GLIPR1L1: variants seen among roughly 807,000 people sequenced by gnomAD.
The protein encoded by GLIPR1L1 is GLIPR1 like 1.
A neutral mutation model predicts 29.9 loss-of-function variants in GLIPR1L1; 26 were observed. That is an observed-to-expected ratio of 0.87 (90% CI 0.64 to 1.21). The LOEUF is 1.21. Ranked by LOEUF, GLIPR1L1 falls within the 50% of genes most tolerant of loss-of-function variation. The pLI, the probability that GLIPR1L1 is intolerant of heterozygous loss-of-function variation, is 0.00. For synonymous variants in GLIPR1L1, 77 were observed against 97.5 expected, an observed-to-expected ratio of 0.79 and a Z score of 1.24; for missense variants, 305 against 290.3, an observed-to-expected ratio of 1.05 and a Z score of -0.37.
rs568805787 is a variant in GLIPR1L1, at chr12:75,347,986, AAT to A, written c.521+267_521+268del. Among the ~76,000 whole-genome samples the A allele has an allele frequency of 2.6e-4, 40 of 152,250 alleles. No individual in the cohort carries two copies. In the East Asian group the frequency reaches 6.2e-3, roughly 23 times the overall value. ...AGGTTTAAAAAAAGAGATAATATAAAATATGTTGCCACAGTAATATATAAATA... is the reference window on the plus strand; with the variant it reads ...AGGTTTAAAAAAAGAGATAATATAAAATGTTGCCACAGTAATATATAAATA... On this transcript the variant is annotated intron_variant, in intron 3 of 5. Coordinates refer to ENST00000378695, the MANE Select transcript of GLIPR1L1 (RefSeq NM_001304964.2).
intron 4 of GLIPR1L1, among the ~76,000 whole-genome samples, chr12:75,366,595 C>A (rs1301885839): frequency 6.6e-6 from 1 of 152,000 alleles, no homozygotes; most frequent in Non-Finnish European, 1.5e-5. Flanking sequence ...TAACACGGCA[C>A]CTCAAAGTGG....
intron 1 of GLIPR1L1, among the ~76,000 whole-genome samples, chr12:75,337,829 C>T (rs1023628438): frequency 2.6e-5 from 4 of 151,712 alleles, no homozygotes; most frequent in African/African-American, 9.7e-5. Flanking sequence ...TATTATTTTT[C>T]GACTATTGTC....
intron 1 of GLIPR1L1, among the ~76,000 whole-genome samples, chr12:75,337,180 C>A (rs2041793463): frequency 6.6e-6 from 1 of 151,658 alleles, no homozygotes. Context: ...AAGACCTATT[C>A]TTTCAACTCA....
At chr12:75,335,124 T>C (rs919647073) in intron 1 of GLIPR1L1, among the ~76,000 whole-genome samples, 1 of 152,214 alleles carries the variant, frequency 6.6e-6, no homozygotes, top group Admixed American at 6.5e-5. Context: ...GCGGGGAAGG[T>C]GGGGATGCTG....
At chr12:75,341,747 C>CTTTTTTTT (rs1185408752) in intron 1 of GLIPR1L1, among the ~76,000 whole-genome samples, 9 of 83,404 alleles carry the variant, frequency 1.1e-4, no homozygotes, top group African/African-American at 4.2e-4. Flanking sequence ...CGCCCGGCCT[C>CTTTTTTTT]TTTTTTTTTT....
chr12:75,340,858 C>T (rs1405301014), intron 1 of GLIPR1L1, among the ~76,000 whole-genome samples: 1 of 151,266 alleles, frequency 6.6e-6, no homozygotes, highest in Non-Finnish European at 1.5e-5. Context: ...TAGTGAAATG[C>T]AAATTAAAAC....
intron 4 of GLIPR1L1, among the ~76,000 whole-genome samples, chr12:75,366,590 C>T (rs982538736): frequency 2.6e-5 from 4 of 152,048 alleles, no homozygotes; most frequent in East Asian, 1.9e-4. Flanking sequence ...AAAACTAACA[C>T]GGCACCTCAA....
At chr12:75,368,596 T>C (rs1325963034) in intron 4 of GLIPR1L1, among the ~76,000 whole-genome samples, 1 of 151,190 alleles carries the variant, frequency 6.6e-6, no homozygotes, top group Non-Finnish European at 1.5e-5. Context: ...TTGTTAACTT[T>C]TTTTATTTAC....
chr12:75,347,522 T>A (rs2042533983), intron 2 of GLIPR1L1, 100 bp from the exon 3 acceptor site: 6 of 643,064 alleles, frequency 9.3e-6, no homozygotes, highest in Non-Finnish European at 1.6e-5. Context: ...TTATGTACAT[T>A]ATTTTTTGTA....
chr12:75,347,805 C>T (rs1289234325), intron 3 of GLIPR1L1, 83 bp downstream of exon 3: 3 of 732,270 alleles, frequency 4.1e-6, no homozygotes, highest in Middle Eastern at 2.8e-4. Context: ...ATACTAGACA[C>T]AAGTGTATTT....
At chr12:75,341,436 ATTCTTTTTTTCTTT>A (rs907956503) in intron 1 of GLIPR1L1, among the ~76,000 whole-genome samples, 287 of 152,098 alleles carry the variant, frequency 1.9e-3, no homozygotes, top group African/African-American at 6.6e-3. Context: ...TTTATATAAC[ATTCTTTTTTTCTTT>A]TTCTTTTTTT....
rs367793922 is a variant in GLIPR1L1, at chr12:75,341,646, C to T, written c.175-2047C>T. ...TATTTTTAGTGGAGACGCGGTTTCACCGTGTTAGCCAGGACGGTCACGATC... is the reference window on the plus strand; with the variant it reads ...TATTTTTAGTGGAGACGCGGTTTCATCGTGTTAGCCAGGACGGTCACGATC... On this transcript the variant is annotated intron_variant, in intron 1 of 5. Coordinates refer to ENST00000378695, the MANE Select transcript of GLIPR1L1 (RefSeq NM_001304964.2). Among the ~76,000 whole-genome samples the T allele has an allele frequency of 1.8e-3, 266 of 151,936 alleles. 1 individual carries two copies. Among genetic ancestry groups the T allele is most frequent in the African/African-American group, 6.0e-3 (247 of 41,422 alleles).
At chr12:75,338,911 T>C (rs1333477976) in intron 1 of GLIPR1L1, among the ~76,000 whole-genome samples, 1 of 152,238 alleles carries the variant, frequency 6.6e-6, no homozygotes, top group Non-Finnish European at 1.5e-5. Context: ...TCCATCCATG[T>C]CCCTGCAAAG....
intron 3 of GLIPR1L1, among the ~76,000 whole-genome samples, chr12:75,358,671 T>A (rs2043315749): frequency 6.7e-6 from 1 of 148,428 alleles, no homozygotes; most frequent in Admixed American, 6.8e-5. Context: ...CATACACATT[T>A]TGTTACATAT....
In GLIPR1L1 at chr12:75,353,895, T is replaced by C. The variant is rs141714355; in HGVS notation, c.521+6173T>C. On this transcript the variant is annotated intron_variant, in intron 3 of 5. Transcript: ENST00000378695. Reference sequence around the variant, plus strand: ...ATCAGAACTAAAGACAAAAACCATATGATTATCTCAATAGATGCCAAAAGG... The same window carrying C: ...ATCAGAACTAAAGACAAAAACCATACGATTATCTCAATAGATGCCAAAAGG... Among the ~76,000 whole-genome samples, 7 of 152,276 alleles carry C rather than the reference T, an allele frequency of 4.6e-5. No homozygotes were observed. The East Asian group carries it at 1.4e-3, about 29-fold the overall frequency.
chr12:75,350,615 G>T (rs746022141), intron 3 of GLIPR1L1, among the ~76,000 whole-genome samples: 1 of 152,062 alleles, frequency 6.6e-6, no homozygotes, highest in Admixed American at 6.5e-5. Flanking sequence ...TACAGAAAAG[G>T]GGCCTTACTG....
At position 75,363,051 on chromosome 12, in the gene GLIPR1L1, A is replaced by G. The variant is rs369558692; in HGVS notation, c.522-51A>G. ...CAACTTGCATACATGCATGAACAAAATTGGAGAAATTAACAGCCATTTGGC... is the reference window on the plus strand; with the variant it reads ...CAACTTGCATACATGCATGAACAAAGTTGGAGAAATTAACAGCCATTTGGC... On this transcript the variant is annotated intron_variant, in intron 3 of 5. Coordinates refer to ENST00000378695, the MANE Select transcript of GLIPR1L1 (RefSeq NM_001304964.2). 4.2e-6 allele frequency: 4 copies of G among 948,302 alleles called. No individual in the cohort carries two copies. In the African/African-American group the frequency reaches 5.2e-5, roughly 12 times the overall value. The allele number at this position is 948,302 out of a possible 1,614,324, so 58.7% of individuals were successfully genotyped here.
Position 75,363,782 on chromosome 12 carries a change from G to A in GLIPR1L1, c.610+592G>A, listed in dbSNP as rs184316189. Among the ~76,000 whole-genome samples, 400 of 152,216 alleles carry A rather than the reference G, an allele frequency of 2.6e-3. 2 individuals carry two copies. Among genetic ancestry groups the A allele is most frequent in the African/African-American group, 9.2e-3 (381 of 41,546 alleles). On this transcript the variant is annotated intron_variant, in intron 4 of 5. Transcript: ENST00000378695. ...CCAATGGCCTGTGAGACAGCCCTCAGGAGACCCTGAGAACATGTGTCCAAG... is the reference window on the plus strand; with the variant it reads ...CCAATGGCCTGTGAGACAGCCCTCAAGAGACCCTGAGAACATGTGTCCAAG...
chr12:75,339,815 G>A (rs1471634146), intron 1 of GLIPR1L1, among the ~76,000 whole-genome samples: 1 of 152,096 alleles, frequency 6.6e-6, no homozygotes, highest in Non-Finnish European at 1.5e-5. Flanking sequence ...TGGCTAGCCA[G>A]TTCTCCCAGC....
Sources: gnomAD v4.1 joint callset for allele counts (sites outside exome capture counted in the v4.1 genomes callset) on GRCh38, gnomAD v4.1.1 for gene constraint, MANE v1.5 for transcripts, NCBI Gene and HGNC (gene_info 2026-07-23, HGNC 2026-07-21) for gene names.